The following ENOX1 variants were observed in gnomAD, a reference collection of about 807,000 sequenced individuals.
ENOX1 encodes ecto-NOX disulfide-thiol exchanger 1, also known as candidate growth-related and time keeping constitutive hydroquinone (NADH) oxidase.
A neutral mutation model predicts 82.5 loss-of-function variants in ENOX1; 42 were observed. The observed-to-expected ratio is 0.51, with a 90% CI of 0.40 to 0.66. The LOEUF is 0.66. Ranked by LOEUF, ENOX1 falls within the 30% of genes least tolerant of loss-of-function variation. The pLI is 0.00. For synonymous variants in ENOX1, 271 were observed against 282.2 expected (o/e 0.96, Z 0.40); for missense variants, 608 against 811.6 (o/e 0.75, Z 3.05).
At chr13:43,372,186 A>G (rs1350473388) in intron 5 of ENOX1, among the ~76,000 whole-genome samples, 3 of 152,196 alleles carry the variant, frequency 2.0e-5, no homozygotes, top group Non-Finnish European at 4.4e-5. Flanking sequence ...TATTCTTTCT[A>G]TTTGTCTTAT....
At chr13:43,517,800 G>A (rs962883099) in intron 2 of ENOX1, among the ~76,000 whole-genome samples, 6 of 152,122 alleles carry the variant, frequency 3.9e-5, no homozygotes, top group Non-Finnish European at 8.8e-5. Flanking sequence ...AATGGGATTA[G>A]TGCTCTTATG....
chr13:43,429,574 TG>T (rs990418945), intron 3 of ENOX1, among the ~76,000 whole-genome samples: 4 of 152,168 alleles, frequency 2.6e-5, no homozygotes, highest in African/African-American at 9.7e-5. Flanking sequence ...GTAGATCAAA[TG>T]GGGAAAGACT....
At chr13:43,215,342 G>A (rs551334609) in intron 16 of ENOX1, among the ~76,000 whole-genome samples, 1 of 152,230 alleles carries the variant, frequency 6.6e-6, no homozygotes, top group South Asian at 2.1e-4. Context: ...AAAATTTTTG[G>A]GAATTGTTTT....
chr13:43,588,351 A>G (rs2081087206), intron 2 of ENOX1, among the ~76,000 whole-genome samples: 1 of 152,206 alleles, frequency 6.6e-6, no homozygotes, highest in Non-Finnish European at 1.5e-5. Flanking sequence ...AAAAAGTCAC[A>G]TTACTCTTTA....
chr13:43,280,607 C>T (rs776193999), intron 12 of ENOX1, among the ~76,000 whole-genome samples: 12 of 152,144 alleles, frequency 7.9e-5, no homozygotes, highest in Non-Finnish European at 1.2e-4. Context: ...AAGGTCTGAT[C>T]CATCAGCCAT....
intron 1 of ENOX1, among the ~76,000 whole-genome samples, chr13:43,702,788 T>C (rs1481473887): frequency 6.6e-6 from 1 of 151,500 alleles, no homozygotes; most frequent in African/African-American, 2.4e-5. Context: ...CCATCTCTAC[T>C]AAAAATACAA....
chr13:43,240,142 A>C (rs1427827607), intron 14 of ENOX1, among the ~76,000 whole-genome samples: 2 of 152,198 alleles, frequency 1.3e-5, no homozygotes, highest in African/African-American at 4.8e-5. Context: ...TTAATTCCCA[A>C]ACCAATTCCC....
chr13:43,627,110 G>A (rs1162281720), intron 2 of ENOX1, among the ~76,000 whole-genome samples: 2 of 151,884 alleles, frequency 1.3e-5, no homozygotes, highest in Admixed American at 6.6e-5. Flanking sequence ...AGCCACTCTT[G>A]AATTCCATTG....
intron 2 of ENOX1, among the ~76,000 whole-genome samples, chr13:43,495,563 A>T (rs2076764975): frequency 6.6e-6 from 1 of 151,940 alleles, no homozygotes; most frequent in Non-Finnish European, 1.5e-5. Flanking sequence ...ACATTATATG[A>T]ATTTACCATA....
chr13:43,388,037 T>C (rs1224521338), intron 5 of ENOX1, among the ~76,000 whole-genome samples: 1 of 152,132 alleles, frequency 6.6e-6, no homozygotes, highest in Admixed American at 6.6e-5. Flanking sequence ...AGGTTACTAA[T>C]AAAAACACAT....
intron 2 of ENOX1, among the ~76,000 whole-genome samples, chr13:43,548,876 G>C (rs9567212): frequency 1.3e-5 from 2 of 152,090 alleles, no homozygotes; most frequent in African/African-American, 4.8e-5. Context: ...ACTGGGTTCA[G>C]ATATTACCTT....
intron 14 of ENOX1, among the ~76,000 whole-genome samples, chr13:43,261,848 G>T (rs1437322145): frequency 8.1e-6 from 1 of 123,088 alleles, no homozygotes. Context: ...GTGGGGTGGG[G>T]GGAGGGGGGA....
chr13:43,359,434 T>C (rs1196855858), intron 7 of ENOX1, among the ~76,000 whole-genome samples: 2 of 152,212 alleles, frequency 1.3e-5, no homozygotes, highest in East Asian at 3.9e-4. Flanking sequence ...TAAGCTACTT[T>C]CCTGCAAGGA....
chr13:43,490,755 G>GAACTTT (rs139229392), intron 2 of ENOX1, among the ~76,000 whole-genome samples: 2,929 of 152,250 alleles, frequency 0.019, 106 homozygotes, highest in African/African-American at 0.066. Context: ...CATTCATCTT[G>GAACTTT]AACTTTTCAG....
chr13:43,731,267 A>G (rs2089324112), intron 1 of ENOX1, among the ~76,000 whole-genome samples: 2 of 152,178 alleles, frequency 1.3e-5, no homozygotes, highest in South Asian at 4.1e-4. Flanking sequence ...GGCCTTTCCA[A>G]GTCAGTTTTA....
At chr13:43,534,463 A>C (rs543034254) in intron 2 of ENOX1, among the ~76,000 whole-genome samples, 46 of 152,278 alleles carry the variant, frequency 3.0e-4, no homozygotes, top group Non-Finnish European at 5.0e-4. Flanking sequence ...CCTATGAAAA[A>C]AGGAAAAAAA....
intron 1 of ENOX1, among the ~76,000 whole-genome samples, chr13:43,775,123 C>T (rs967703668): frequency 2.0e-5 from 3 of 152,130 alleles, no homozygotes; most frequent in African/African-American, 7.2e-5. Context: ...GCTAGGATTA[C>T]AGGCCTGAGC....
chr13:43,582,813 T>C (rs1417925625), intron 2 of ENOX1, among the ~76,000 whole-genome samples: 1 of 152,192 alleles, frequency 6.6e-6, no homozygotes, highest in Non-Finnish European at 1.5e-5. Flanking sequence ...AAAATTATAA[T>C]TGATTCCTTT....
intron 2 of ENOX1, among the ~76,000 whole-genome samples, chr13:43,632,743 G>A (rs138011442): frequency 1.9e-3 from 286 of 152,112 alleles, no homozygotes; most frequent in African/African-American, 6.6e-3. Context: ...CACAGTGCCC[G>A]GCCTGATTTT....
Sources: allele counts gnomAD v4.1 joint callset (sites outside exome capture counted in the v4.1 genomes callset), GRCh38; gene constraint gnomAD v4.1.1; transcripts MANE v1.5; gene names NCBI Gene and HGNC (gene_info 2026-07-23, HGNC 2026-07-21).